The following GRID1 variants were observed in gnomAD, a reference collection of about 807,000 sequenced individuals.
GRID1 encodes the protein glutamate ionotropic receptor delta type subunit 1.
GRID1 carries 28 observed loss-of-function variants against 98.0 expected under a neutral mutation model. The observed-to-expected ratio is 0.29, with a 90% CI of 0.21 to 0.39. The LOEUF is 0.39. Among genes scored for constraint, GRID1 ranks in the 10% least tolerant of loss-of-function variants. The probability of loss-of-function intolerance (pLI) is 1.00; values close to 1 mark genes in which losing one functional copy is unlikely to be tolerated. For synonymous variants in GRID1, 553 were observed against 538.5 expected, an observed-to-expected ratio of 1.03 and a Z score of -0.37; for missense variants, 1,111 against 1,340.5, an observed-to-expected ratio of 0.83 and a Z score of 2.67.
intron 6 of GRID1, among the ~76,000 whole-genome samples, chr10:85,867,036 G>A (rs1378980001): frequency 6.6e-5 from 10 of 152,204 alleles, no homozygotes; most frequent in South Asian, 4.2e-4. Flanking sequence ...CCATGGGCAC[G>A]TGTCATTTAA....
chr10:85,697,703 G>A (rs1841409281), intron 12 of GRID1, among the ~76,000 whole-genome samples: 1 of 152,116 alleles, frequency 6.6e-6, no homozygotes, highest in African/African-American at 2.4e-5. Flanking sequence ...CTGAAGGCAA[G>A]AACTGATATG....
chr10:85,797,990 T>C (rs990291856), intron 8 of GRID1, among the ~76,000 whole-genome samples: 3 of 152,202 alleles, frequency 2.0e-5, no homozygotes, highest in African/African-American at 7.2e-5. Flanking sequence ...AGTATATACA[T>C]ATACCACGTT....
chr10:86,012,915 C>A (rs989860614), intron 4 of GRID1, among the ~76,000 whole-genome samples: 1 of 152,172 alleles, frequency 6.6e-6, no homozygotes, highest in Non-Finnish European at 1.5e-5. Flanking sequence ...CCTGAATGAT[C>A]TAAGACACTA....
intron 2 of GRID1, among the ~76,000 whole-genome samples, chr10:86,244,001 CATAT>C (rs1846680853): frequency 1.3e-5 from 2 of 152,180 alleles, no homozygotes; most frequent in South Asian, 4.1e-4. Flanking sequence ...TGTGTGTACA[CATAT>C]ATACATACAT....
chr10:86,133,057 C>T (rs1844862485), intron 4 of GRID1, among the ~76,000 whole-genome samples: 1 of 152,270 alleles, frequency 6.6e-6, no homozygotes, highest in Non-Finnish European at 1.5e-5. Context: ...TGGTATCTAA[C>T]TGCAGAGGTC....
At chr10:85,882,605 C>T (rs1841049299) in intron 5 of GRID1, among the ~76,000 whole-genome samples, 1 of 152,108 alleles carries the variant, frequency 6.6e-6, no homozygotes, top group Non-Finnish European at 1.5e-5. Context: ...GGGAACATCA[C>T]ACTCCCGGAA....
chr10:85,688,321 C>T (rs1012835374), intron 12 of GRID1, among the ~76,000 whole-genome samples: 2 of 152,122 alleles, frequency 1.3e-5, no homozygotes, highest in African/African-American at 4.8e-5. Flanking sequence ...AAAGGGGCTG[C>T]TGGGAAATAA....
Position 86,106,880 on chromosome 10 carries a change from G to A in GRID1, c.726+31939C>T, listed in dbSNP as rs118075039. Among the ~76,000 whole-genome samples, 226 of 152,234 alleles carry A rather than the reference G, an allele frequency of 1.5e-3. 2 individuals carry two copies. The East Asian group carries it at 0.032, about 21-fold the overall frequency. On this transcript the variant is annotated intron_variant, in intron 4 of 15. Coordinates refer to ENST00000327946, the MANE Select transcript of GRID1 (RefSeq NM_017551.3). ...AGAGAATGGAGCTGGGGAGGTGAAGGAGCCCAGGGGTGAAGAGGAAAATGA... is the reference window on the plus strand; with the variant it reads ...AGAGAATGGAGCTGGGGAGGTGAAGAAGCCCAGGGGTGAAGAGGAAAATGA...
intron 4 of GRID1, among the ~76,000 whole-genome samples, chr10:86,129,670 G>T (rs1023690066): frequency 2.0e-5 from 3 of 152,172 alleles, no homozygotes; most frequent in African/African-American, 7.2e-5. Context: ...AAGGCACATG[G>T]CCCCAGGTCA....
intron 4 of GRID1, among the ~76,000 whole-genome samples, chr10:85,997,754 A>C (rs1842757210): frequency 6.6e-6 from 1 of 152,192 alleles, no homozygotes; most frequent in Non-Finnish European, 1.5e-5. Flanking sequence ...TGGTCTAAAC[A>C]TATCGATCAA....
chr10:86,233,219 C>T (rs1438267809), intron 2 of GRID1, among the ~76,000 whole-genome samples: 1 of 151,782 alleles, frequency 6.6e-6, no homozygotes, highest in Non-Finnish European at 1.5e-5. Flanking sequence ...GGGGCTCTGC[C>T]TCTGTTGTGA....
At chr10:85,698,227 C>T (rs1841414872) in intron 12 of GRID1, among the ~76,000 whole-genome samples, 1 of 152,082 alleles carries the variant, frequency 6.6e-6, no homozygotes, top group African/African-American at 2.4e-5. Context: ...AATGTCACTA[C>T]CCACATATCA....
intron 3 of GRID1, among the ~76,000 whole-genome samples, chr10:86,160,172 C>T (rs1373412577): frequency 6.6e-6 from 1 of 152,172 alleles, no homozygotes; most frequent in African/African-American, 2.4e-5. Flanking sequence ...CACAAAGGAG[C>T]CACCCATAGA....
chr10:85,952,259 A>T (rs1424729979), intron 4 of GRID1, among the ~76,000 whole-genome samples: 1 of 152,244 alleles, frequency 6.6e-6, no homozygotes, highest in African/African-American at 2.4e-5. Context: ...TTACGACATC[A>T]ACCTGAAAAC....
intron 3 of GRID1, among the ~76,000 whole-genome samples, chr10:86,190,443 C>G (rs1051609510): frequency 5.3e-5 from 8 of 152,200 alleles, no homozygotes; most frequent in Non-Finnish European, 1.5e-5. Context: ...CCTGGCTGTG[C>G]TGGTGTCAGG....
rs573179253 is a variant in GRID1 at position 86,182,183 on chromosome 10, G to C, written c.520+24181C>G. ...GACCATGGCTGCATGCAGAATTCCAGGGTCTGCGGGTGCTTCCCCGTAGCC... is the reference window on the plus strand; with the variant it reads ...GACCATGGCTGCATGCAGAATTCCACGGTCTGCGGGTGCTTCCCCGTAGCC... On this transcript the variant is annotated intron_variant, in intron 3 of 15. Transcript: ENST00000327946. 3.3e-5 allele frequency among the ~76,000 whole-genome samples: 5 copies of C among 152,302 alleles called. No individual in the cohort carries two copies. The South Asian group carries it at 1.0e-3, about 32-fold the overall frequency.
rs553869151 is a variant in GRID1 at position 86,071,017 on chromosome 10, G to A, written c.726+67802C>T. On this transcript the variant is annotated intron_variant, in intron 4 of 15. Transcript: ENST00000327946. ...AAGCTGACACACTGCAGGTGAATTT[G>A]AAAAAAGGTGGCCTCTGGGTGTGCA... is the stretch of plus-strand genomic sequence containing the variant. Among the ~76,000 whole-genome samples the A allele has an allele frequency of 2.6e-5, 4 of 152,286 alleles. No homozygotes were observed. In the South Asian group the frequency reaches 8.3e-4, roughly 32 times the overall value.
intron 4 of GRID1, among the ~76,000 whole-genome samples, chr10:85,939,826 G>A (rs936245453): frequency 6.6e-6 from 1 of 152,120 alleles, no homozygotes; most frequent in East Asian, 1.9e-4. Context: ...AGCACTTTGG[G>A]AGGCCAAAGT....
At chr10:85,691,766 C>A (rs748089250) in intron 12 of GRID1, among the ~76,000 whole-genome samples, 5 of 152,176 alleles carry the variant, frequency 3.3e-5, no homozygotes, top group Non-Finnish European at 5.9e-5. Context: ...AAAATGTGAA[C>A]AGCTCTGCAT....
Sources: gnomAD v4.1 joint callset for allele counts (sites outside exome capture counted in the v4.1 genomes callset) on GRCh38, gnomAD v4.1.1 for gene constraint, MANE v1.5 for transcripts, NCBI Gene and HGNC (gene_info 2026-07-23, HGNC 2026-07-21) for gene names.